Variants in TBCD observed in about 807,000 individuals in gnomAD.
TBCD encodes tubulin-specific chaperone D.
In TBCD, 105 loss-of-function variants were observed where a neutral mutation model predicts 169.3. That is an observed-to-expected ratio of 0.62 (90% CI 0.53 to 0.73). The LOEUF (loss-of-function observed/expected upper bound fraction) is 0.73, where lower values mean the gene tolerates loss of function less well. Among genes scored for constraint, TBCD ranks in the 30% least tolerant of loss-of-function variants. The pLI is 0.00. For synonymous variants in TBCD, 700 were observed against 643.9 expected (o/e 1.09, Z -1.32); for missense variants, 1,444 against 1,600.1 (o/e 0.90, Z 1.66).
chr17:82,782,112 G>A lies in TBCD; in HGVS notation c.771+391G>A, dbSNP rs988483286. Among the ~76,000 whole-genome samples, 2 of 152,214 alleles carry A rather than the reference G, an allele frequency of 1.3e-5. No homozygotes were observed. The highest frequency in any genetic ancestry group is 4.8e-5 in the African/African-American group (2 of 41,448). On this transcript the variant is annotated intron_variant, in intron 7 of 38. Coordinates refer to ENST00000355528, the MANE Select transcript of TBCD (RefSeq NM_005993.5). The surrounding 1 kb of genome is among the most constrained non-coding windows in gnomAD (Gnocchi z 5.1). ...GATTCTGTTCCTTTGCACTGGGCTC[G>A]GGTTGGATGTTCCTGACTGCTTCGT...
intron 14 of TBCD, among the ~76,000 whole-genome samples, chr17:82,878,878 C>T (rs542802086): frequency 2.6e-5 from 4 of 152,228 alleles, no homozygotes; most frequent in East Asian, 1.9e-4. Context: ...TTTCATCATT[C>T]GCTCCTGCCA....
In TBCD at chr17:82,835,189, A is replaced by G. The variant is rs1280729843; in HGVS notation, c.1318+20255A>G. On this transcript the variant is annotated intron_variant, in intron 13 of 38. Coordinates refer to ENST00000355528, the MANE Select transcript of TBCD (RefSeq NM_005993.5). This position sits in a 1 kb window ranked among gnomAD's most constrained non-coding sequence, Gnocchi z 4.5. ...TTTATGTGTAGACATCAGGGTGGCTAAAAGTCAAGTGAAAAGCCGCCCCTT... is the reference window on the plus strand; with the variant it reads ...TTTATGTGTAGACATCAGGGTGGCTGAAAGTCAAGTGAAAAGCCGCCCCTT... Among the ~76,000 whole-genome samples the G allele has an allele frequency of 2.0e-5, 3 of 152,108 alleles. No individual in the cohort carries two copies. Among genetic ancestry groups the G allele is most frequent in the Admixed American group, 6.5e-5 (1 of 15,278 alleles).
intron 21 of TBCD, chr17:82,908,271 C>T (rs753453862): frequency 4.6e-5 from 21 of 456,294 alleles, no homozygotes; most frequent in Middle Eastern, 3.9e-4. Context: ...GCACACAGAA[C>T]GAGCACAGAA....
chr17:82,807,681 G>A lies in TBCD; in HGVS notation c.1148+13G>A. 1 of 1,473,468 alleles carries A rather than the reference G, an allele frequency of 6.8e-7. No homozygotes were observed. The highest frequency in any genetic ancestry group is 9.0e-7 in the Non-Finnish European group (1 of 1,105,588). 91.3% of individuals were successfully genotyped at this position (1,473,468 alleles called of 1,614,324 possible). A position where few individuals can be genotyped will look rare whatever the true frequency, so the allele number is the denominator to read the frequency against. Reference sequence around the variant, plus strand: ...CTGCAGCCAAGGGGTAGGTGTCTGTGGCCGCAGAAGCACCCCGGGGGGTGG... The same window carrying A: ...CTGCAGCCAAGGGGTAGGTGTCTGTAGCCGCAGAAGCACCCCGGGGGGTGG... On this transcript the variant is annotated intron_variant, in intron 11 of 38. Coordinates refer to ENST00000355528, the MANE Select transcript of TBCD (RefSeq NM_005993.5).
chr17:82,823,636 C>T (rs554516799), intron 13 of TBCD, among the ~76,000 whole-genome samples: 7 of 151,626 alleles, frequency 4.6e-5, no homozygotes, highest in East Asian at 1.9e-4. Context: ...AGGGCGTTGT[C>T]GGCATCTTCT....
At position 82,800,847 on chromosome 17, in the gene TBCD, C is replaced by T; in HGVS notation, c.818-17C>T. On this transcript the variant is annotated splice_polypyrimidine_tract_variant and intron_variant, in intron 8 of 38. Transcript: ENST00000355528. ...GCCTGCAGCCCTTCCTGCGCTGAGT[C>T]CAGTTCTTGTTTGCAGCTGCCACTG... The T allele has an allele frequency of 6.2e-7, 1 of 1,610,804 alleles. No individual in the cohort carries two copies. The highest frequency in any genetic ancestry group is 1.1e-5 in the South Asian group (1 of 90,836).
chr17:82,828,101 C>T (rs1301961991), intron 13 of TBCD, among the ~76,000 whole-genome samples: 1 of 150,154 alleles, frequency 6.7e-6, no homozygotes, highest in African/African-American at 2.5e-5. Context: ...GCACACCCCC[C>T]CGCAGATATG....
chr17:82,876,362 C>T (rs1281311070), intron 14 of TBCD, among the ~76,000 whole-genome samples: 1 of 152,226 alleles, frequency 6.6e-6, no homozygotes, highest in South Asian at 2.1e-4. Context: ...CGGCCCTTCT[C>T]GCGGCCTCGC....
At chr17:82,856,910 C>T (rs545365774) in intron 13 of TBCD, among the ~76,000 whole-genome samples, 4 of 142,152 alleles carry the variant, frequency 2.8e-5, no homozygotes, top group African/African-American at 1.1e-4. Flanking sequence ...GATCGCTGGA[C>T]CGCGTGCGGA....
intron 13 of TBCD, chr17:82,838,866 C>T: frequency 1.0e-6 from 1 of 985,426 alleles, no homozygotes; most frequent in South Asian, 4.7e-5. Flanking sequence ...TTTACAGTCG[C>T]CGCCTCATCC....
chr17:82,831,180 C>T lies in TBCD; in HGVS notation c.1318+16246C>T, dbSNP rs2053476514. The stretch of plus-strand genomic sequence containing the variant: ...AGAGGTCGTACAGGCCTTCGCAGGT[C>T]TGGCTCGTCTGCATGAAGTCGGTGG... On this transcript the variant is annotated intron_variant, in intron 13 of 38. Coordinates refer to ENST00000355528, the MANE Select transcript of TBCD (RefSeq NM_005993.5). The surrounding 1 kb of genome is among the most constrained non-coding windows in gnomAD (Gnocchi z 4.6). 6.2e-7 allele frequency: 1 copy of T among 1,614,038 alleles called. No individual in the cohort carries two copies. Among genetic ancestry groups the T allele is most frequent in the African/African-American group, 1.3e-5 (1 of 74,934 alleles).
At position 82,929,513 on chromosome 17, in the gene TBCD, C is replaced by T. The variant is rs772911534; in HGVS notation, c.2991+13C>T. The T allele has an allele frequency of 1.8e-5, 29 of 1,602,568 alleles. No individual in the cohort carries two copies. Among genetic ancestry groups the T allele is most frequent in the South Asian group, 1.1e-4 (10 of 91,048 alleles). ...GACGGAGTCGACGGTGAGGAGGCGTCGGGCTGGCTGGGGCAGGAGGTGGCT... is the reference window on the plus strand; with the variant it reads ...GACGGAGTCGACGGTGAGGAGGCGTTGGGCTGGCTGGGGCAGGAGGTGGCT... On this transcript the variant is annotated intron_variant, in intron 32 of 38. Coordinates refer to ENST00000355528, the MANE Select transcript of TBCD (RefSeq NM_005993.5).
intron 38 of TBCD, 184 bp from the exon 39 acceptor site, chr17:82,942,265 C>G (rs181749312): frequency 1.4e-6 from 1 of 739,784 alleles, no homozygotes; most frequent in Non-Finnish European, 2.2e-6. Flanking sequence ...TCCGAGGACA[C>G]GTTAGTCATG....
At chr17:82,818,459 C>T (rs1421749548) in intron 13 of TBCD, among the ~76,000 whole-genome samples, 1 of 152,210 alleles carries the variant, frequency 6.6e-6, no homozygotes, top group Admixed American at 6.5e-5. Flanking sequence ...TGAGAGCCGT[C>T]TTGTTTATAT....
At chr17:82,808,360 CA>C (rs1332543718) in intron 11 of TBCD, among the ~76,000 whole-genome samples, 16 of 111,140 alleles carry the variant, frequency 1.4e-4, no homozygotes, top group African/African-American at 5.1e-4. Flanking sequence ...GAGGCAGGTG[CA>C]GGGGCCAGCA....
At chr17:82,755,323 G>T (rs2047345747) in intron 1 of TBCD, among the ~76,000 whole-genome samples, 1 of 152,224 alleles carries the variant, frequency 6.6e-6, no homozygotes, top group Non-Finnish European at 1.5e-5. Context: ...AAAGGTACCA[G>T]ACTTAGTTAA....
chr17:82,789,101 CAA>C lies in TBCD; in HGVS notation c.771+7381_771+7382del, dbSNP rs1319972661. 1.3e-5 allele frequency among the ~76,000 whole-genome samples: 2 copies of C among 152,136 alleles called. No individual in the cohort carries two copies. Among genetic ancestry groups the C allele is most frequent in the East Asian group, 1.9e-4 (1 of 5,192 alleles). ...AAGGTTTTGGATGGAGAAAATAGGA[CAA>C]GAGCAGTTTGAATGTGGGTACTTTC... On this transcript the variant is annotated intron_variant, in intron 7 of 38. Transcript: ENST00000355528. This position sits in a 1 kb window ranked among gnomAD's most constrained non-coding sequence, Gnocchi z 4.8.
intron 9 of TBCD, among the ~76,000 whole-genome samples, chr17:82,801,444 T>C (rs1272520249): frequency 6.6e-6 from 1 of 152,016 alleles, no homozygotes; most frequent in Non-Finnish European, 1.5e-5. Context: ...GTGTGCGTCG[T>C]GTGGCTCGGA....
intron 13 of TBCD, among the ~76,000 whole-genome samples, chr17:82,846,311 G>GCGTCCCCTGTGCCACGTCCCCT (rs1567879164): frequency 7.4e-5 from 10 of 135,214 alleles, no homozygotes; most frequent in East Asian, 2.4e-4. Context: ...TCCACGTGCT[G>GCGTCCCCTGTGCCACGTCCCCT]CGTCCAGCGT....
Sources: allele counts gnomAD v4.1 joint callset (sites outside exome capture counted in the v4.1 genomes callset), GRCh38; gene constraint gnomAD v4.1.1; non-coding constraint Gnocchi (gnomAD v3.1); transcripts MANE v1.5; gene names NCBI Gene and HGNC (gene_info 2026-07-23, HGNC 2026-07-21).